The following TUBB4B variants were observed in gnomAD, a reference collection of about 807,000 sequenced individuals.
TUBB4B encodes the protein tubulin beta-4B chain.
In TUBB4B, 7 loss-of-function variants were observed where a neutral mutation model predicts 34.3. That is an observed-to-expected ratio of 0.20 (90% CI 0.12 to 0.38). TUBB4B has a LOEUF of 0.38. TUBB4B is among the 10% of genes least tolerant of loss of function. The pLI is 1.00. For missense variants in TUBB4B, 178 were observed against 610.9 expected (o/e 0.29, Z 7.47); for synonymous variants, 390 against 250.2 (o/e 1.56, Z -5.27).
intron 3 of TUBB4B, 97 bp from the exon 4 acceptor site, chr9:137,242,399 G>C (rs1836773538): frequency 7.1e-7 from 1 of 1,413,524 alleles, no homozygotes; most frequent in South Asian, 1.3e-5. Flanking sequence ...TGAATTCTGT[G>C]GTCAGCTCAC....
At chr9:137,242,326 AT>A in intron 3 of TUBB4B, 169 bp from the exon 4 acceptor site, 2 of 836,662 alleles carry the variant, frequency 2.4e-6, no homozygotes, top group Non-Finnish European at 3.7e-6. Flanking sequence ...CCCTGACTTA[AT>A]TCGTAGCAGG....
rs377726784 is a variant in TUBB4B, at chr9:137,243,220, A to G, written c.1002A>G (p.Gln334=). Residue 334 remains glutamine, a synonymous_variant, in exon 4 of 4, where the codon CAA becomes CAG. Coordinates refer to ENST00000340384, the MANE Select transcript of TUBB4B (RefSeq NM_006088.6). ...KEVDEQMLNV[Q]NKNSSYFVEW... ...TGGATGAGCAAATGCTTAATGTCCAAAACAAAAACAGCAGCTATTTTGTTG... is the reference window on the plus strand; with the variant it reads ...TGGATGAGCAAATGCTTAATGTCCAGAACAAAAACAGCAGCTATTTTGTTG... 2.0e-5 allele frequency: 32 copies of G among 1,613,186 alleles called. No individual in the cohort carries two copies. The highest frequency in any genetic ancestry group is 2.6e-5 in the Non-Finnish European group (31 of 1,180,006).
At position 137,241,304 on chromosome 9, in the gene TUBB4B, C is replaced by CT. The variant is rs1202906389; in HGVS notation, c.-56dup. 6.4e-7 allele frequency: 1 copy of CT among 1,569,368 alleles called. No individual in the cohort carries two copies. Among genetic ancestry groups the CT allele is most frequent in the Non-Finnish European group, 8.6e-7 (1 of 1,164,282 alleles). The stretch of plus-strand genomic sequence containing the variant: ...TCGGTTGTAGCACTCTGCGCGCCCG[C>CT]TCTTCTGCTGCTGTTTGTCTACTTC... On this transcript the variant is annotated 5_prime_UTR_variant, in exon 1 of 4. Coordinates refer to ENST00000340384, the MANE Select transcript of TUBB4B (RefSeq NM_006088.6).
intron 1 of TUBB4B, 107 bp downstream of exon 1, chr9:137,241,524 C>T (rs932495795): frequency 3.0e-5 from 31 of 1,024,502 alleles, no homozygotes; most frequent in African/African-American, 8.6e-5. Flanking sequence ...GCATTGCGGC[C>T]GCCGGGCCCC....
In TUBB4B at chr9:137,243,340, C is replaced by T. The variant is rs1588859556; in HGVS notation, c.1122C>T (p.Ile374=). The T allele has an allele frequency of 6.2e-7, 1 of 1,613,574 alleles. No individual in the cohort carries two copies. The highest frequency in any genetic ancestry group is 2.2e-5 in the East Asian group (1 of 44,886). ...SATFIGNSTA[I]QELFKRISEQ... is the part of the protein sequence containing the mutation. ...CCTTCATTGGCAACAGCACGGCCAT[C>T]CAGGAGCTGTTCAAGCGCATCTCCG... The change falls in exon 4 of 4, where the codon ATC becomes ATT. Residue 374 remains isoleucine, a synonymous_variant. Transcript: ENST00000340384.
rs766033585 is a variant in TUBB4B, at chr9:137,241,344, C to T, written c.-17C>T. 13 of 1,591,170 alleles carry T rather than the reference C, an allele frequency of 8.2e-6. No homozygotes were observed. Among genetic ancestry groups the T allele is most frequent in the Admixed American group, 3.4e-5 (2 of 59,568 alleles). On this transcript the variant is annotated 5_prime_UTR_variant, in exon 1 of 4. Coordinates refer to ENST00000340384, the MANE Select transcript of TUBB4B (RefSeq NM_006088.6). ...TTGTCTACTTCCTCCTGCTTCCCCG[C>T]CGCCGCCGCCGCCATCATGAGGGAA...
chr9:137,242,423 G>C (rs1836774486), intron 3 of TUBB4B, 73 bp from the exon 4 acceptor site: 4 of 1,545,008 alleles, frequency 2.6e-6, no homozygotes, highest in Admixed American at 1.8e-5. Flanking sequence ...ATGTCACTCG[G>C]CTTTTTTCGC....
chr9:137,242,410 ACCATGTCACT>A, intron 3 of TUBB4B, 76 bp from the exon 4 acceptor site: 1 of 1,502,620 alleles, frequency 6.7e-7, no homozygotes, highest in Non-Finnish European at 9.1e-7. Context: ...GTCAGCTCAC[ACCATGTCACT>A]CGGCTTTTTT....
chr9:137,241,924 G>A lies in TUBB4B; in HGVS notation c.180G>A (p.Val60=). 1 of 1,611,502 alleles carries A rather than the reference G, an allele frequency of 6.2e-7. No individual in the cohort carries two copies. The highest frequency in any genetic ancestry group is 1.1e-5 in the South Asian group (1 of 91,022). ...YYNEATGGKY[V]PRAVLVDLEP... is the part of the protein sequence containing the mutation. ...CCGTCCCCGCAGGCGGCAAGTACGT[G>A]CCCCGCGCCGTGCTCGTGGATCTGG... Residue 60 remains valine, a synonymous_variant, in exon 3 of 4, where the codon GTG becomes GTA. Transcript: ENST00000340384.
Position 137,243,079 on chromosome 9 carries a change from C to G in TUBB4B, c.861C>G (p.Pro287=), listed in dbSNP as rs772348490. 3.7e-6 allele frequency: 6 copies of G among 1,612,858 alleles called. No homozygotes were observed. Among genetic ancestry groups the G allele is most frequent in the African/African-American group, 1.3e-5 (1 of 74,926 alleles). ...AGCAGTACCGGGCGCTGACCGTGCC[C>G]GAGCTCACCCAGCAGATGTTTGATG... The part of the protein sequence containing the change: ...GSQQYRALTV[P]ELTQQMFDAK... Residue 287 remains proline, a synonymous_variant, in exon 4 of 4, where the codon CCC becomes CCG. Transcript: ENST00000340384.
rs768059354 is a variant in TUBB4B at position 137,242,859 on chromosome 9, C to T, written c.641C>T (p.Thr214Ile). ...NEALYDICFR[T>I]LKLTTPTYGD... is the part of the protein sequence containing the mutation. ...GCTCTCTACGACATTTGCTTCAGAA[C>T]CCTAAAGCTGACCACGCCCACCTAT... The change falls in exon 4 of 4, where the codon ACC becomes ATC. Residue 214 changes from threonine (T) to isoleucine (I), a missense_variant. Coordinates refer to ENST00000340384, the MANE Select transcript of TUBB4B (RefSeq NM_006088.6). 16 of 1,613,526 alleles carry T rather than the reference C, an allele frequency of 9.9e-6. No homozygotes were observed. The highest frequency in any genetic ancestry group is 1.2e-5 in the Non-Finnish European group (14 of 1,180,034).
rs2131432548 is a variant in TUBB4B at position 137,241,355 on chromosome 9, G to GCCA, written c.-5_-3dup. 1 of 1,600,112 alleles carries GCCA rather than the reference G, an allele frequency of 6.2e-7. No individual in the cohort carries two copies. The stretch of plus-strand genomic sequence containing the variant: ...CTCCTGCTTCCCCGCCGCCGCCGCC[G>GCCA]CCATCATGAGGGAAATCGTGCACTT... On this transcript the variant is annotated 5_prime_UTR_variant, in exon 1 of 4. Coordinates refer to ENST00000340384, the MANE Select transcript of TUBB4B (RefSeq NM_006088.6).
In TUBB4B at chr9:137,242,840, TACG is replaced by T. The variant is rs1297065341; in HGVS notation, c.625_627del (p.Asp209del). On this transcript the variant is annotated inframe_deletion, in exon 4 of 4. Transcript: ENST00000340384. ...CTACTGCATTGATAACGAAGCTCTCTACGACATTTGCTTCAGAACCCTAAAGCT... is the reference window on the plus strand; with the variant it reads ...CTACTGCATTGATAACGAAGCTCTCTACATTTGCTTCAGAACCCTAAAGCT... 6.2e-7 allele frequency: 1 copy of T among 1,613,658 alleles called. No homozygotes were observed. The highest frequency in any genetic ancestry group is 8.5e-7 in the Non-Finnish European group (1 of 1,180,038).
chr9:137,241,670 G>C, intron 1 of TUBB4B, 51 bp from the exon 2 acceptor site: 1 of 1,484,670 alleles, frequency 6.7e-7, no homozygotes, highest in Non-Finnish European at 9.1e-7. Flanking sequence ...CTGCGCACCG[G>C]CCGCGGTGAC....
In TUBB4B at chr9:137,241,291, C is replaced by G. The variant is rs1200655700; in HGVS notation, c.-70C>G. On this transcript the variant is annotated 5_prime_UTR_variant, in exon 1 of 4. Transcript: ENST00000340384. ...CGTTGGCGGAGCGTCGGTTGTAGCA[C>G]TCTGCGCGCCCGCTCTTCTGCTGCT... is the stretch of plus-strand genomic sequence containing the variant. 5.2e-6 allele frequency: 8 copies of G among 1,544,932 alleles called. No homozygotes were observed. The highest frequency in any genetic ancestry group is 7.0e-6 in the Non-Finnish European group (8 of 1,149,490).
rs555532576 is a variant in TUBB4B at position 137,243,588 on chromosome 9, A to AGT, written c.*36_*37dup. On this transcript the variant is annotated 3_prime_UTR_variant, in exon 4 of 4. Coordinates refer to ENST00000340384, the MANE Select transcript of TUBB4B (RefSeq NM_006088.6). ...CAGTCACTGGGGAAAGCAGGGAAGC[A>AGT]GTGTGAACTCTTTATTCACTCCCAG... The AGT allele has an allele frequency of 9.5e-5, 153 of 1,613,522 alleles. No individual in the cohort carries two copies. The East Asian group carries it at 3.3e-3, about 35-fold the overall frequency.
rs1243235899 is a variant in TUBB4B at position 137,242,737 on chromosome 9, C to T, written c.519C>T (p.Pro173=). The part of the protein sequence containing the change: ...IMNTFSVVPS[P]KVSDTVVEPY... ...ACACGTTTAGTGTGGTGCCTTCGCC[C>T]AAAGTGTCAGACACAGTGGTGGAGC... Residue 173 remains proline (P), a synonymous_variant, in exon 4 of 4, where the codon CCC becomes CCT. Coordinates refer to ENST00000340384, the MANE Select transcript of TUBB4B (RefSeq NM_006088.6). 1.9e-6 allele frequency: 3 copies of T among 1,613,852 alleles called. No individual in the cohort carries two copies. Among genetic ancestry groups the T allele is most frequent in the Non-Finnish European group, 2.5e-6 (3 of 1,180,022 alleles).
In TUBB4B at chr9:137,241,333, C is replaced by A; in HGVS notation, c.-28C>A. On this transcript the variant is annotated 5_prime_UTR_variant, in exon 1 of 4. In the 5' UTR this introduces an upstream ATG that the reference lacks. Transcript: ENST00000340384. The stretch of plus-strand genomic sequence containing the variant: ...TCTGCTGCTGTTTGTCTACTTCCTC[C>A]TGCTTCCCCGCCGCCGCCGCCGCCA... 6.3e-7 allele frequency: 1 copy of A among 1,592,848 alleles called. No individual in the cohort carries two copies.
chr9:137,241,747 C>T lies in TUBB4B; in HGVS notation c.84C>T (p.His28=), dbSNP rs778676357. The T allele has an allele frequency of 2.2e-5, 36 of 1,611,926 alleles. No homozygotes were observed. In the African/African-American group the frequency reaches 2.4e-4, roughly 11 times the overall value. ...TTTGGGAGGTGATCAGCGATGAGCA[C>T]GGCATCGACCCCACGGGCACCTACC... ...AKFWEVISDE[H]GIDPTGTYHG... The change falls in exon 2 of 4, where the codon CAC becomes CAT. Residue 28 remains histidine (H), a synonymous_variant. Coordinates refer to ENST00000340384, the MANE Select transcript of TUBB4B (RefSeq NM_006088.6).
Sources: allele counts gnomAD v4.1 joint callset, GRCh38; gene constraint gnomAD v4.1.1; transcripts MANE v1.5; gene names NCBI Gene and HGNC (gene_info 2026-07-23, HGNC 2026-07-21).